Variants in PRRC2B observed in about 807,000 individuals in gnomAD.
PRRC2B encodes proline rich coiled-coil 2B.
A neutral mutation model predicts 242.3 loss-of-function variants in PRRC2B; 68 were observed. That is an observed-to-expected ratio of 0.28 (90% CI 0.23 to 0.34). The LOEUF (loss-of-function observed/expected upper bound fraction) is 0.34, where lower values mean the gene tolerates loss of function less well. Ranked by LOEUF, PRRC2B falls within the 10% of genes least tolerant of loss-of-function variation. The probability of loss-of-function intolerance (pLI) is 1.00; values close to 1 mark genes in which losing one functional copy is unlikely to be tolerated. For missense variants in PRRC2B, 2,835 were observed against 2,954.8 expected, an observed-to-expected ratio of 0.96 and a Z score of 0.94; for synonymous variants, 1,228 against 1,173.6, an observed-to-expected ratio of 1.05 and a Z score of -0.95.
chr9:131,472,457 A>G (rs1436873285), intron 14 of PRRC2B, among the ~76,000 whole-genome samples: 1 of 132,774 alleles, frequency 7.5e-6, no homozygotes, highest in African/African-American at 2.9e-5. Context: ...GGCGCCCACC[A>G]CCACGCCCAG....
chr9:131,487,936 A>T lies in PRRC2B; in HGVS notation c.6065A>T (p.Tyr2022Phe). The T allele has an allele frequency of 6.2e-7, 1 of 1,613,502 alleles. No homozygotes were observed. The highest frequency in any genetic ancestry group is 8.5e-7 in the Non-Finnish European group (1 of 1,179,770). Reference protein sequence around the residue: ...LSGGTALKPPYSAFPGMQPLE... With the variant: ...LSGGTALKPPFSAFPGMQPLE... ...GGGGGCACAGCCTTGAAGCCTCCAT[A>T]CTCGGCGTTCCCAGGCATGCAGCCC... is the stretch of plus-strand genomic sequence containing the variant. The change falls in exon 28 of 32, where the codon TAC becomes TTC. Residue 2022 changes from tyrosine (Y) to phenylalanine (F), a missense_variant. By Grantham distance (22) the Tyr-to-Phe change is conservative (BLOSUM62 3). This residue lies in a region of PRRC2B where 574 missense variants were observed against 626.0 expected (regional missense o/e 0.92). Coordinates refer to ENST00000683519, the MANE Select transcript of PRRC2B (RefSeq NM_013318.4). The surrounding 1 kb of genome is among the most constrained non-coding windows in gnomAD (Gnocchi z 5.3).
At chr9:131,421,979 C>T (rs1837854142) in intron 1 of PRRC2B, among the ~76,000 whole-genome samples, 1 of 152,242 alleles carries the variant, frequency 6.6e-6, no homozygotes, top group South Asian at 2.1e-4. Flanking sequence ...GCAGCCTGGG[C>T]TCCAAGCCTG....
chr9:131,389,141 T>C (rs186134145), upstream of PRRC2B, among the ~76,000 whole-genome samples: 14 of 141,540 alleles, frequency 9.9e-5, no homozygotes, highest in Non-Finnish European at 2.0e-4. Context: ...TGCGCCTGGC[T>C]CCTTTCAATT....
intron 1 of PRRC2B, among the ~76,000 whole-genome samples, chr9:131,419,194 G>A (rs1409335376): frequency 6.6e-6 from 1 of 152,192 alleles, no homozygotes; most frequent in East Asian, 1.9e-4. Context: ...AACTGGGGCA[G>A]TTTAGTGTGG....
At position 131,473,523 on chromosome 9, in the gene PRRC2B, T is replaced by A; in HGVS notation, c.2123T>A (p.Met708Lys). 1.2e-6 allele frequency: 2 copies of A among 1,602,514 alleles called. No individual in the cohort carries two copies. The highest frequency in any genetic ancestry group is 1.7e-6 in the Non-Finnish European group (2 of 1,174,698). The change falls in exon 15 of 32, where the codon ATG becomes AAG. Residue 708 changes from methionine to lysine, a missense_variant. Physicochemically the swap from Met to Lys is moderately conservative, Grantham distance 95 (BLOSUM62 -1). This residue lies in a region of PRRC2B where 1,536 missense variants were observed against 1,483.1 expected (regional missense o/e 1.04). Transcript: ENST00000683519. ...ALHPSGLMKP[M>K]MPQESLNGTG... ...CCTTCTTCAGGACTGATGAAGCCCA[T>A]GATGCCCCAGGAGTCCCTCAATGGG...
At chr9:131,437,145 C>A (rs796157371) in intron 4 of PRRC2B, among the ~76,000 whole-genome samples, 2 of 152,076 alleles carry the variant, frequency 1.3e-5, no homozygotes, top group African/African-American at 4.8e-5. Flanking sequence ...AAAAACAAAA[C>A]GAAGCGAGCT....
chr9:131,449,957 A>G (rs1017044417), intron 9 of PRRC2B, among the ~76,000 whole-genome samples: 4 of 152,214 alleles, frequency 2.6e-5, no homozygotes, highest in African/African-American at 9.7e-5. Flanking sequence ...TCTCCACAAC[A>G]TTTGTTGATA....
chr9:131,491,567 A>T lies in PRRC2B; in HGVS notation c.6368A>T (p.Asn2123Ile), dbSNP rs781765575. 1.2e-6 allele frequency: 2 copies of T among 1,610,966 alleles called. No homozygotes were observed. Among genetic ancestry groups the T allele is most frequent in the Admixed American group, 3.3e-5 (2 of 59,764 alleles). Residue 2123 changes from asparagine (N) to isoleucine (I), a missense_variant, in exon 29 of 32, where the codon AAC becomes ATC. Physicochemically the swap from Asn to Ile is moderately radical, Grantham distance 149. This residue lies in a region of PRRC2B where 574 missense variants were observed against 626.0 expected (regional missense o/e 0.92). Transcript: ENST00000683519. ...CCCGGGTCCCAGCCGCCAGTCCTGAACACCAGCAGAGAGGTAAGGGGACCC... is the reference window on the plus strand; with the variant it reads ...CCCGGGTCCCAGCCGCCAGTCCTGATCACCAGCAGAGAGGTAAGGGGACCC... The part of the protein sequence containing the change: ...PPPGSQPPVL[N>I]TSREPSQMEM...
intron 1 of PRRC2B, among the ~76,000 whole-genome samples, chr9:131,413,084 T>C (rs541921796): frequency 6.6e-6 from 1 of 152,258 alleles, no homozygotes. Context: ...AATAAATTAA[T>C]GTACTTTATA....
In PRRC2B at chr9:131,376,046, CAAA is replaced by C. The variant is rs56400904; in HGVS notation, c.-56+2333_-56+2335del. Among the ~76,000 whole-genome samples, 207 of 72,938 alleles carry C rather than the reference CAAA, an allele frequency of 2.8e-3. 1 individual carries two copies. Among genetic ancestry groups the C allele is most frequent in the Middle Eastern group, 9.6e-3 (1 of 104 alleles). The allele number at this position is 72,938 out of a possible 152,430, so 47.9% of individuals were successfully genotyped here. A position where few individuals can be genotyped will look rare whatever the true frequency, so the allele number is the denominator to read the frequency against. On this transcript the variant is annotated intron_variant, in intron 1 of 1. Coordinates refer to the PRRC2B transcript ENST00000682525. ...CCTGAGCAACAGAGTGAGACTGTCT[CAAA>C]AAAAAAAAAAAAAAAAAGGCCGGGC...
At chr9:131,442,923 T>C (rs1838649179) in intron 5 of PRRC2B, among the ~76,000 whole-genome samples, 1 of 152,160 alleles carries the variant, frequency 6.6e-6, no homozygotes, top group African/African-American at 2.4e-5. Context: ...AAGGAATGAA[T>C]GAAAGAATGA....
chr9:131,425,051 C>T (rs990362174), intron 1 of PRRC2B, among the ~76,000 whole-genome samples: 1 of 152,166 alleles, frequency 6.6e-6, no homozygotes, highest in African/African-American at 2.4e-5. Flanking sequence ...ACTGCAGCCT[C>T]TGCCTCCTGG....
chr9:131,442,554 G>C (rs1027255696), intron 5 of PRRC2B, among the ~76,000 whole-genome samples: 1 of 152,170 alleles, frequency 6.6e-6, no homozygotes, highest in African/African-American at 2.4e-5. Context: ...TACTAAGGGA[G>C]TGGCAAGCGA....
intron 5 of PRRC2B, among the ~76,000 whole-genome samples, chr9:131,440,920 T>G (rs974272884): frequency 6.6e-6 from 1 of 152,080 alleles, no homozygotes; most frequent in Non-Finnish European, 1.5e-5. Context: ...GGCAACATGG[T>G]GAAACCCTGT....
intron 2 of PRRC2B, among the ~76,000 whole-genome samples, chr9:131,430,903 A>T (rs2131324796): frequency 6.8e-6 from 1 of 148,014 alleles, no homozygotes; most frequent in African/African-American, 2.5e-5. Context: ...AAAGCTGTGG[A>T]TTTTTATCCT....
At chr9:131,477,619 C>T in intron 16 of PRRC2B, 125 bp from the exon 17 acceptor site, 1 of 632,406 alleles carries the variant, frequency 1.6e-6, no homozygotes, top group South Asian at 1.9e-5. Context: ...TCCTCCCCAC[C>T]CGAGGAGTCA....
chr9:131,416,621 C>T (rs1588241508), intron 1 of PRRC2B, among the ~76,000 whole-genome samples: 1 of 149,638 alleles, frequency 6.7e-6, no homozygotes, highest in African/African-American at 2.5e-5. Context: ...TACCCAGTGT[C>T]TTTTTTTTTT....
chr9:131,433,384 A>G (rs1219911446), intron 3 of PRRC2B, among the ~76,000 whole-genome samples: 1 of 152,202 alleles, frequency 6.6e-6, no homozygotes, highest in Non-Finnish European at 1.5e-5. Flanking sequence ...CAGTACTTAC[A>G]GAAACCCTAG....
At position 131,439,069 on chromosome 9, in the gene PRRC2B, C is replaced by A; in HGVS notation, c.469+8C>A. On this transcript the variant is annotated splice_region_variant and intron_variant, in intron 5 of 31. Transcript: ENST00000683519. ...CAGTAGGACACGAAGGTGGTAAGTGCGCACGTGTGTGTGTTGTTTGGGGAC... is the reference window on the plus strand; with the variant it reads ...CAGTAGGACACGAAGGTGGTAAGTGAGCACGTGTGTGTGTTGTTTGGGGAC... 1 of 1,612,376 alleles carries A rather than the reference C, an allele frequency of 6.2e-7. No individual in the cohort carries two copies. Among genetic ancestry groups the A allele is most frequent in the East Asian group, 2.2e-5 (1 of 44,860 alleles).
Sources: gnomAD v4.1 joint callset for allele counts (sites outside exome capture counted in the v4.1 genomes callset) on GRCh38, gnomAD v4.1.1 for gene constraint, gnomAD v4.1.1 regional missense constraint, Gnocchi (gnomAD v3.1) non-coding constraint, MANE v1.5 for transcripts, NCBI Gene and HGNC (gene_info 2026-07-23, HGNC 2026-07-21) for gene names.